Variants in RABGAP1 observed in about 807,000 individuals in gnomAD.
RABGAP1 encodes rab GTPase-activating protein 1.
RABGAP1 carries 23 observed loss-of-function variants against 137.6 expected under a neutral mutation model. The observed-to-expected ratio is 0.17, with a 90% CI of 0.12 to 0.24. The LOEUF (loss-of-function observed/expected upper bound fraction) is 0.24. Among genes scored for constraint, RABGAP1 ranks in the 10% least tolerant of loss-of-function variants. RABGAP1 has a pLI of 1.00. For missense variants in RABGAP1, 906 were observed against 1,275.8 expected, an observed-to-expected ratio of 0.71 and a Z score of 4.42; for synonymous variants, 451 against 450.7, an observed-to-expected ratio of 1.00 and a Z score of -0.01.
At chr9:122,975,238 T>C (rs1180397791) in intron 2 of RABGAP1, among the ~76,000 whole-genome samples, 1 of 152,202 alleles carries the variant, frequency 6.6e-6, no homozygotes, top group East Asian at 1.9e-4. Context: ...CTTGAGGGCC[T>C]AAATATCCTT....
chr9:123,004,734 ATAAT>A (rs1453009261), intron 10 of RABGAP1, among the ~76,000 whole-genome samples: 10 of 152,130 alleles, frequency 6.6e-5, no homozygotes, highest in African/African-American at 2.2e-4. Flanking sequence ...GTAACAGTAA[ATAAT>A]TTATTTGCCT....
At chr9:123,055,546 CTTTT>C (rs930532167) in intron 13 of RABGAP1, among the ~76,000 whole-genome samples, 2 of 121,976 alleles carry the variant, frequency 1.6e-5, no homozygotes, top group Non-Finnish European at 3.5e-5. Flanking sequence ...ATTTCTTCTT[CTTTT>C]TTTTTTTTTT....
At chr9:122,955,164 A>G (rs1207598313) in intron 1 of RABGAP1, among the ~76,000 whole-genome samples, 1 of 152,202 alleles carries the variant, frequency 6.6e-6, no homozygotes, top group African/African-American at 2.4e-5. Flanking sequence ...GTGAGGGCAA[A>G]TATCTAAAGG....
chr9:123,090,046 C>T (rs1377390460), intron 20 of RABGAP1, among the ~76,000 whole-genome samples, 196 bp downstream of exon 20: 1 of 152,160 alleles, frequency 6.6e-6, no homozygotes, highest in South Asian at 2.1e-4. Context: ...AGTGGCTTTT[C>T]GTCACAGTTA....
At chr9:123,049,186 A>G (rs1163513274) in intron 13 of RABGAP1, among the ~76,000 whole-genome samples, 2 of 133,058 alleles carry the variant, frequency 1.5e-5, no homozygotes, top group African/African-American at 6.4e-5. Flanking sequence ...ATTCTAAAGT[A>G]TATGTTAAAG....
At chr9:122,964,401 G>A (rs1322555343) in intron 2 of RABGAP1, among the ~76,000 whole-genome samples, 1 of 152,014 alleles carries the variant, frequency 6.6e-6, no homozygotes, top group African/African-American at 2.4e-5. Flanking sequence ...GGAATGTAAG[G>A]TTAGTTTAAC....
At chr9:123,049,082 A>G (rs982039595) in intron 13 of RABGAP1, among the ~76,000 whole-genome samples, 3 of 152,246 alleles carry the variant, frequency 2.0e-5, no homozygotes, top group African/African-American at 7.2e-5. Flanking sequence ...TCATTAAATA[A>G]AGAGCCATCT....
intron 11 of RABGAP1, among the ~76,000 whole-genome samples, chr9:123,014,606 A>C (rs2031073245): frequency 6.6e-6 from 1 of 151,888 alleles, no homozygotes; most frequent in East Asian, 1.9e-4. Context: ...TCATACTGCT[A>C]ATAAAGACAT....
chr9:123,045,344 T>C (rs1032726519), intron 13 of RABGAP1, among the ~76,000 whole-genome samples: 4 of 152,238 alleles, frequency 2.6e-5, no homozygotes, highest in Non-Finnish European at 5.9e-5. Flanking sequence ...TTTGTGGGTC[T>C]CTTGTCTTTA....
intron 13 of RABGAP1, among the ~76,000 whole-genome samples, chr9:123,054,173 A>G (rs539653156): frequency 9.2e-5 from 14 of 152,364 alleles, no homozygotes; most frequent in African/African-American, 3.4e-4. Flanking sequence ...CCACTGCTTT[A>G]TTGGATACAC....
chr9:122,996,208 T>C, intron 7 of RABGAP1, 57 bp downstream of exon 7: 1 of 1,562,958 alleles, frequency 6.4e-7, no homozygotes, highest in Admixed American at 2.1e-5. Flanking sequence ...ATCAATCTAA[T>C]GGCATAGTTT....
intron 13 of RABGAP1, chr9:123,035,685 T>TGTGTG: frequency 2.4e-6 from 2 of 837,412 alleles, no homozygotes; most frequent in African/African-American, 3.5e-5. Flanking sequence ...TGTGTGTGTA[T>TGTGTG]TTTATCTCTA....
At chr9:123,037,273 T>G (rs1463279517) in intron 13 of RABGAP1, among the ~76,000 whole-genome samples, 1 of 152,232 alleles carries the variant, frequency 6.6e-6, no homozygotes. Context: ...GACATCAACT[T>G]GATTTTAACC....
intron 13 of RABGAP1, 131 bp from the exon 14 acceptor site, chr9:123,065,217 A>G (rs1156323423): frequency 1.5e-5 from 10 of 646,724 alleles, no homozygotes; most frequent in South Asian, 1.3e-4. Flanking sequence ...GGCAGTAACT[A>G]TGGGCATACA....
intron 13 of RABGAP1, chr9:123,034,628 A>C (rs769816970): frequency 1.2e-6 from 2 of 1,613,868 alleles, no homozygotes; most frequent in Non-Finnish European, 1.7e-6. Context: ...GCATTTGGCT[A>C]TTTGGAAACT....
At chr9:122,961,664 G>A (rs1834858630) in intron 2 of RABGAP1, among the ~76,000 whole-genome samples, 1 of 152,262 alleles carries the variant, frequency 6.6e-6, no homozygotes, top group South Asian at 2.1e-4. Context: ...CTTTTGTGTT[G>A]TGTATATATC....
intron 12 of RABGAP1, 28 bp from the exon 13 acceptor site, chr9:123,020,281 G>T: frequency 6.9e-7 from 1 of 1,446,386 alleles, no homozygotes; most frequent in South Asian, 1.6e-5. Flanking sequence ...TTCCTTTTAT[G>T]ATTTATGGTT....
chr9:122,997,175 C>T, intron 8 of RABGAP1, 84 bp from the exon 9 acceptor site: 1 of 979,460 alleles, frequency 1.0e-6, no homozygotes. Flanking sequence ...TTTGCAGCTT[C>T]TGGTTTTTAA....
chr9:123,034,632 G>T (rs2131991595), intron 13 of RABGAP1: 1 of 1,613,780 alleles, frequency 6.2e-7, no homozygotes, highest in East Asian at 2.2e-5. Flanking sequence ...TTGGCTATTT[G>T]GAAACTGTCA....
Sources: gnomAD v4.1 joint callset for allele counts (sites outside exome capture counted in the v4.1 genomes callset) on GRCh38, gnomAD v4.1.1 for gene constraint, MANE v1.5 for transcripts, NCBI Gene and HGNC (gene_info 2026-07-23, HGNC 2026-07-21) for gene names.